The following GABRA4 variants were observed in gnomAD, a reference collection of about 807,000 sequenced individuals.
GABRA4 encodes the protein gamma-aminobutyric acid receptor subunit alpha-4.
Under a neutral mutation model 49.7 loss-of-function variants are expected in GABRA4, and 12 were observed. The observed-to-expected ratio is 0.24, with a 90% CI of 0.15 to 0.39. The LOEUF is 0.39. GABRA4 is among the 10% of genes least tolerant of loss of function. GABRA4 has a pLI of 1.00. For synonymous variants in GABRA4, 288 were observed against 240.2 expected (o/e 1.20, Z -1.84); for missense variants, 506 against 686.0 (o/e 0.74, Z 2.93).
At chr4:46,934,792 T>G (rs956930548) in intron 8 of GABRA4, among the ~76,000 whole-genome samples, 1 of 152,184 alleles carries the variant, frequency 6.6e-6, no homozygotes, top group Non-Finnish European at 1.5e-5. Context: ...TTGTAAATGT[T>G]TTGTATGGTA....
chr4:46,946,028 C>A (rs190146875), intron 8 of GABRA4, among the ~76,000 whole-genome samples: 1 of 152,074 alleles, frequency 6.6e-6, no homozygotes. Flanking sequence ...AATTTCTGCT[C>A]CACAATAAAA....
rs1432164855 is a variant in GABRA4 at position 46,971,179 on chromosome 4, T to A, written c.778A>T (p.Met260Leu). 1.2e-6 allele frequency: 2 copies of A among 1,609,612 alleles called. No homozygotes were observed. Residue 260 changes from methionine to leucine, a missense_variant, in exon 7 of 9, where the codon ATG (methionine) becomes TTG (leucine). Physicochemically the swap from Met to Leu is conservative, Grantham distance 15. This residue lies in a region of GABRA4 where 195 missense variants were observed against 326.0 expected (regional missense o/e 0.60). Transcript: ENST00000264318. ...FHLRRKMGYF[M>L]IQTYIPCIMT... ...ATGCACGGAATATAGGTCTGAATCATAAAATAACCCATCTTCCGTCTGAGG... is the reference window on the plus strand; with the variant it reads ...ATGCACGGAATATAGGTCTGAATCAAAAAATAACCCATCTTCCGTCTGAGG...
chr4:46,920,518 A>C lies in GABRA4; in HGVS notation c.*7707T>G, dbSNP rs1720985807. ...TGTATATGTATTAATATATGAAAAA[A>C]TCCTAATTGCACTTCACATGATGAT... On this transcript the variant is annotated 3_prime_UTR_variant, in exon 9 of 9. Coordinates refer to ENST00000264318, the MANE Select transcript of GABRA4 (RefSeq NM_000809.4). 6.6e-6 allele frequency: 1 copy of C among 151,736 alleles called. No homozygotes were observed. The highest frequency in any genetic ancestry group is 1.5e-5 in the Non-Finnish European group (1 of 67,690). 9.4% of individuals were successfully genotyped at this position (151,736 alleles called of 1,614,324 possible).
At chr4:46,955,508 A>C (rs1722307696) in intron 8 of GABRA4, among the ~76,000 whole-genome samples, 1 of 152,092 alleles carries the variant, frequency 6.6e-6, no homozygotes, top group Non-Finnish European at 1.5e-5. Flanking sequence ...TTCAAAGAGT[A>C]ATTTGAAGCT....
chr4:46,979,004 G>A (rs367651892), intron 3 of GABRA4, 27 bp downstream of exon 3: 51 of 1,461,826 alleles, frequency 3.5e-5, no homozygotes, highest in African/African-American at 7.0e-5. Flanking sequence ...AGTCTCAAAA[G>A]GTACATTAAA....
chr4:46,978,230 G>A (rs1293896099), intron 3 of GABRA4, among the ~76,000 whole-genome samples: 4 of 151,998 alleles, frequency 2.6e-5, no homozygotes, highest in Admixed American at 2.6e-4. Context: ...CGTATTCTAA[G>A]CTCTTAAACA....
chr4:46,966,316 G>A (rs1241585086), intron 7 of GABRA4, among the ~76,000 whole-genome samples: 1 of 151,698 alleles, frequency 6.6e-6, no homozygotes, highest in Non-Finnish European at 1.5e-5. Context: ...GAACAATGAT[G>A]TTGAAGGCAT....
chr4:46,938,518 C>A (rs1467081250), intron 8 of GABRA4, among the ~76,000 whole-genome samples: 1 of 152,014 alleles, frequency 6.6e-6, no homozygotes, highest in East Asian at 1.9e-4. Context: ...GAATTATAAG[C>A]CATGTACCTC....
chr4:46,947,641 A>G (rs1485784859), intron 8 of GABRA4, among the ~76,000 whole-genome samples: 1 of 152,016 alleles, frequency 6.6e-6, no homozygotes, highest in East Asian at 1.9e-4. Flanking sequence ...CACCTGCAGC[A>G]TTCGAGATTA....
intron 8 of GABRA4, among the ~76,000 whole-genome samples, chr4:46,937,423 A>C (rs550476074): frequency 2.3e-4 from 35 of 152,174 alleles, no homozygotes; most frequent in African/African-American, 7.7e-4. Context: ...AGTCTTCCAA[A>C]ATTTCTAATC....
In GABRA4 at chr4:46,977,049, A is replaced by C. The variant is rs762055184; in HGVS notation, c.577+12T>G. 1.9e-6 allele frequency: 3 copies of C among 1,557,098 alleles called. No individual in the cohort carries two copies. Among genetic ancestry groups the C allele is most frequent in the South Asian group, 2.3e-5 (2 of 88,250 alleles). The stretch of plus-strand genomic sequence containing the variant: ...AATCATAAATTCTAGCAAAATTTTT[A>C]TTATAACTTACAACTCCCGAATTTC... On this transcript the variant is annotated intron_variant, in intron 5 of 8. Coordinates refer to ENST00000264318, the MANE Select transcript of GABRA4 (RefSeq NM_000809.4).
intron 6 of GABRA4, 44 bp downstream of exon 6, chr4:46,974,188 C>A: frequency 6.4e-7 from 1 of 1,555,866 alleles, no homozygotes; most frequent in South Asian, 1.3e-5. Flanking sequence ...AACTTTATTG[C>A]TAACACCAAG....
At chr4:46,991,991 A>C (rs1723764732) in intron 2 of GABRA4, among the ~76,000 whole-genome samples, 1 of 152,186 alleles carries the variant, frequency 6.6e-6, no homozygotes, top group South Asian at 2.1e-4. Flanking sequence ...ACCTGGGCCA[A>C]ACCTATGAAT....
At chr4:46,951,514 T>TTTG (rs1413810801) in intron 8 of GABRA4, among the ~76,000 whole-genome samples, 8 of 151,904 alleles carry the variant, frequency 5.3e-5, no homozygotes, top group Admixed American at 4.6e-4. Context: ...ATATTCCCAC[T>TTTG]TTGTAATTAA....
chr4:46,968,867 C>CAAT (rs1343609418), intron 7 of GABRA4, among the ~76,000 whole-genome samples: 1 of 151,400 alleles, frequency 6.6e-6, no homozygotes, highest in Admixed American at 6.6e-5. Flanking sequence ...CAAGTCATCA[C>CAAT]AATAATAATA....
intron 1 of GABRA4, 62 bp from the exon 2 acceptor site, chr4:46,993,008 C>T: frequency 5.7e-6 from 7 of 1,218,150 alleles, no homozygotes; most frequent in Non-Finnish European, 8.5e-6. Context: ...CATCAGAGAA[C>T]AGGTGCAAAC....
intron 2 of GABRA4, among the ~76,000 whole-genome samples, chr4:46,985,332 C>T (rs1723494033): frequency 6.6e-6 from 1 of 151,950 alleles, no homozygotes; most frequent in African/African-American, 2.4e-5. Context: ...GAGGAGACCA[C>T]ATAGCAGAAT....
intron 7 of GABRA4, among the ~76,000 whole-genome samples, 167 bp downstream of exon 7, chr4:46,970,916 C>T (rs922034047): frequency 5.3e-5 from 8 of 151,642 alleles, no homozygotes; most frequent in Admixed American, 1.3e-4. Flanking sequence ...GCCCAAATCT[C>T]CCCAAGCTTT....
intron 2 of GABRA4, among the ~76,000 whole-genome samples, chr4:46,988,315 G>C (rs73813765): frequency 1.3e-5 from 2 of 151,996 alleles, no homozygotes; most frequent in African/African-American, 4.8e-5. Context: ...GTGAGGGCTC[G>C]TATCAGATCA....
Sources: gnomAD v4.1 joint callset for allele counts (sites outside exome capture counted in the v4.1 genomes callset) on GRCh38, gnomAD v4.1.1 for gene constraint, gnomAD v4.1.1 regional missense constraint, MANE v1.5 for transcripts, NCBI Gene and HGNC (gene_info 2026-07-23, HGNC 2026-07-21) for gene names.